The following PPM1L variants were observed in gnomAD, a reference collection of about 807,000 sequenced individuals.
PPM1L encodes the protein protein phosphatase 1L.
In PPM1L, 13 loss-of-function variants were observed where a neutral mutation model predicts 31.4. That is an observed-to-expected ratio of 0.41 (90% CI 0.27 to 0.66). The LOEUF is 0.66. Ranked by LOEUF, PPM1L falls within the 30% of genes least tolerant of loss-of-function variation. PPM1L has a pLI of 0.29. For synonymous variants in PPM1L, 184 were observed against 175.4 expected (o/e 1.05, Z -0.39); for missense variants, 326 against 453.7 (o/e 0.72, Z 2.56).
At chr3:160,952,788 A>G (rs571743468) in intron 1 of PPM1L, among the ~76,000 whole-genome samples, 8 of 152,182 alleles carry the variant, frequency 5.3e-5, no homozygotes, top group Non-Finnish European at 1.0e-4. Flanking sequence ...GTCAACACAC[A>G]TAACTGAAGC....
In PPM1L at chr3:160,982,406, A is replaced by G. The variant is rs991332363; in HGVS notation, c.574+20496A>G. Among the ~76,000 whole-genome samples, 7 of 152,094 alleles carry G rather than the reference A, an allele frequency of 4.6e-5. No individual in the cohort carries two copies. The South Asian group carries it at 8.3e-4, about 18-fold the overall frequency. On this transcript the variant is annotated intron_variant, in intron 2 of 3. Coordinates refer to ENST00000498165, the MANE Select transcript of PPM1L (RefSeq NM_139245.4). ...AGGCATGACTCTCTGGATAGCAAGA[A>G]AAAAAAATGTCTCTCTCCTTTATCA...
At chr3:160,843,851 A>G (rs1432493564) in intron 1 of PPM1L, among the ~76,000 whole-genome samples, 1 of 152,170 alleles carries the variant, frequency 6.6e-6, no homozygotes, top group Non-Finnish European at 1.5e-5. Flanking sequence ...TTGCGGCACT[A>G]TTCACAATAG....
intron 1 of PPM1L, among the ~76,000 whole-genome samples, chr3:160,799,742 C>T (rs1047694949): frequency 2.0e-5 from 3 of 152,160 alleles, no homozygotes; most frequent in Admixed American, 6.5e-5. Context: ...CCTTTTCTTT[C>T]TTTGGGTCTC....
intron 2 of PPM1L, among the ~76,000 whole-genome samples, chr3:160,973,285 T>A (rs1344067092): frequency 6.6e-6 from 1 of 152,248 alleles, no homozygotes; most frequent in African/African-American, 2.4e-5. Context: ...TGTTACTTCC[T>A]GTCTCTGAAG....
intron 1 of PPM1L, among the ~76,000 whole-genome samples, chr3:160,921,094 C>T (rs1714386861): frequency 6.6e-6 from 1 of 152,256 alleles, no homozygotes; most frequent in Admixed American, 6.5e-5. Flanking sequence ...TTAAGTTAGG[C>T]AATTCCTGCT....
intron 2 of PPM1L, among the ~76,000 whole-genome samples, chr3:160,969,437 G>A (rs1249680765): frequency 6.6e-6 from 1 of 152,102 alleles, no homozygotes; most frequent in Non-Finnish European, 1.5e-5. Flanking sequence ...GCCATTTACT[G>A]TCATGGGGGA....
chr3:161,001,321 C>T (rs1333120095), intron 2 of PPM1L, among the ~76,000 whole-genome samples: 4 of 152,208 alleles, frequency 2.6e-5, no homozygotes, highest in East Asian at 1.9e-4. Flanking sequence ...CTCACTCTGT[C>T]GCCAGGCTGG....
At chr3:160,850,893 G>GA (rs1239389809) in intron 1 of PPM1L, among the ~76,000 whole-genome samples, 1 of 148,538 alleles carries the variant, frequency 6.7e-6, no homozygotes, top group Non-Finnish European at 1.5e-5. Context: ...GTGGGGGGGG[G>GA]GTCATTATTG....
At chr3:160,844,644 T>G (rs1486405452) in intron 1 of PPM1L, among the ~76,000 whole-genome samples, 2 of 152,138 alleles carry the variant, frequency 1.3e-5, no homozygotes, top group Non-Finnish European at 2.9e-5. Flanking sequence ...TAGTTTTTCC[T>G]TTTCCTGGAT....
At chr3:161,019,437 A>T (rs1027361706) in intron 2 of PPM1L, among the ~76,000 whole-genome samples, 4 of 152,114 alleles carry the variant, frequency 2.6e-5, no homozygotes, top group Non-Finnish European at 4.4e-5. Flanking sequence ...ATCTCAAGTG[A>T]TCCTCCTATC....
At chr3:160,858,586 A>C (rs1560128777) in intron 1 of PPM1L, among the ~76,000 whole-genome samples, 1 of 152,164 alleles carries the variant, frequency 6.6e-6, no homozygotes, top group Non-Finnish European at 1.5e-5. Flanking sequence ...TTTTATAATG[A>C]ATGGGACTAC....
intron 1 of PPM1L, among the ~76,000 whole-genome samples, chr3:160,838,775 G>A (rs1180452163): frequency 2.0e-5 from 3 of 152,124 alleles, no homozygotes; most frequent in Admixed American, 6.5e-5. Context: ...TGGATACTGA[G>A]GATTATGATA....
At chr3:160,899,826 GT>G (rs1252755178) in intron 1 of PPM1L, among the ~76,000 whole-genome samples, 2 of 152,154 alleles carry the variant, frequency 1.3e-5, no homozygotes, top group Admixed American at 1.3e-4. Flanking sequence ...GATATTTGAA[GT>G]GAATATTTAA....
chr3:161,068,093 AT>A (rs1719792075), intron 3 of PPM1L, among the ~76,000 whole-genome samples: 1 of 152,248 alleles, frequency 6.6e-6, no homozygotes, highest in Non-Finnish European at 1.5e-5. Context: ...GAAGAAAAAA[AT>A]AATAGATACA....
chr3:160,859,740 G>A (rs902611046), intron 1 of PPM1L, among the ~76,000 whole-genome samples: 6 of 152,148 alleles, frequency 3.9e-5, no homozygotes, highest in African/African-American at 1.4e-4. Context: ...CCTCACCCCT[G>A]GGTCAATATG....
chr3:160,848,809 TAAC>T (rs761232122), intron 1 of PPM1L, among the ~76,000 whole-genome samples: 1 of 152,204 alleles, frequency 6.6e-6, no homozygotes, highest in Non-Finnish European at 1.5e-5. Flanking sequence ...GTTCTTCTAT[TAAC>T]ATATTCTTTC....
chr3:161,046,788 C>T (rs376502282), intron 2 of PPM1L, among the ~76,000 whole-genome samples: 4 of 152,082 alleles, frequency 2.6e-5, no homozygotes, highest in Admixed American at 6.6e-5. Flanking sequence ...GTTCAACATA[C>T]GCAAATCAAT....
rs575795315 is a variant in PPM1L at position 160,772,828 on chromosome 3, CT to C, written c.399+16128del. Among the ~76,000 whole-genome samples, 870 of 152,156 alleles carry C rather than the reference CT, an allele frequency of 5.7e-3. 12 individuals are homozygous for C. The highest frequency in any genetic ancestry group is 0.019 in the African/African-American group (809 of 41,512). ...TAAATAGAAATATGCAGTATGTAGT[CT>C]TTTTTTCTGGCCTTTTTTTTCTCAG... is the stretch of plus-strand genomic sequence containing the variant. On this transcript the variant is annotated intron_variant, in intron 1 of 3. Transcript: ENST00000498165.
At chr3:161,029,615 T>C (rs1718503522) in intron 2 of PPM1L, among the ~76,000 whole-genome samples, 1 of 152,230 alleles carries the variant, frequency 6.6e-6, no homozygotes, top group Non-Finnish European at 1.5e-5. Context: ...TTCTTATTAA[T>C]AGTTTCCAAA....
Sources: gnomAD v4.1 joint callset for allele counts (sites outside exome capture counted in the v4.1 genomes callset) on GRCh38, gnomAD v4.1.1 for gene constraint, MANE v1.5 for transcripts, NCBI Gene and HGNC (gene_info 2026-07-23, HGNC 2026-07-21) for gene names.